Variants in TMEM164 observed in about 807,000 individuals in gnomAD.
The protein encoded by TMEM164 is RP13-360B22.2.
Under a neutral mutation model 18.8 loss-of-function variants are expected in TMEM164, and 4 were observed. That is an observed-to-expected ratio of 0.21 (90% CI 0.10 to 0.49). The LOEUF (loss-of-function observed/expected upper bound fraction) is 0.49. TMEM164 is among the 20% of genes least tolerant of loss of function. The probability of loss-of-function intolerance (pLI) is 0.98; values close to 1 mark genes in which losing one functional copy is unlikely to be tolerated. For missense variants in TMEM164, 108 were observed against 239.9 expected (o/e 0.45, Z 3.63); for synonymous variants, 86 against 101.7 (o/e 0.85, Z 0.93).
intron 3 of TMEM164, among the ~76,000 whole-genome samples, chrX:110,106,885 G>A (rs988352172): frequency 1.3e-4 from 15 of 111,917 alleles, no homozygotes; most frequent in Admixed American, 5.7e-4. Context: ...TCAGACACGG[G>A]GTGCCACCTT....
In TMEM164 at chrX:110,100,267, C is replaced by T. The variant is rs150479602; in HGVS notation, c.441-8813C>T. Among the ~76,000 whole-genome samples the T allele has an allele frequency of 8.6e-3, 948 of 110,696 alleles. 8 individuals are homozygous for T. The highest frequency in any genetic ancestry group is 0.028 in the African/African-American group (839 of 30,398). Reference sequence around the variant, plus strand: ...CTGTTTCTAATGTTGTCGGGGGGAGCATTTAGTCTTTCACCATTAAGTATT... The same window carrying T: ...CTGTTTCTAATGTTGTCGGGGGGAGTATTTAGTCTTTCACCATTAAGTATT... On this transcript the variant is annotated intron_variant, in intron 3 of 6. Transcript: ENST00000372068.
chrX:110,106,903 A>G (rs1329286703), intron 3 of TMEM164, among the ~76,000 whole-genome samples: 3 of 112,115 alleles, frequency 2.7e-5, no homozygotes, highest in African/African-American at 9.7e-5. Context: ...CTTGAATGAC[A>G]CTGCTGAAAA....
chrX:110,080,888 A>AT (rs367869176), intron 3 of TMEM164, among the ~76,000 whole-genome samples: 931 of 74,498 alleles, frequency 0.012, 28 homozygotes, highest in African/African-American at 0.029. Context: ...CTAGCTAATA[A>AT]TTTTTTTTTT....
intron 2 of TMEM164, among the ~76,000 whole-genome samples, chrX:110,063,134 T>C (rs1936187251): frequency 9.0e-6 from 1 of 111,095 alleles, no homozygotes; most frequent in South Asian, 3.8e-4. Flanking sequence ...AACTGGAGCT[T>C]GGGGAGATTG....
chrX:110,068,185 G>C (rs73540249), intron 3 of TMEM164, among the ~76,000 whole-genome samples: 205 of 112,646 alleles, frequency 1.8e-3, no homozygotes, highest in African/African-American at 6.3e-3. Flanking sequence ...AATTGAGAAT[G>C]GTGTAAATGG....
chrX:110,077,273 G>A (rs367674416), intron 3 of TMEM164, among the ~76,000 whole-genome samples: 2 of 110,841 alleles, frequency 1.8e-5, no homozygotes, highest in Non-Finnish European at 3.8e-5. Flanking sequence ...AAGAATTATC[G>A]ACCCCTGTTC....
rs150587807 is a variant in TMEM164 at position 110,103,474 on chromosome X, G to A, written c.441-5606G>A. On this transcript the variant is annotated intron_variant, in intron 3 of 6. Coordinates refer to ENST00000372068, the MANE Select transcript of TMEM164 (RefSeq NM_032227.4). ...CTGTAGGGCTGCACCCTAGTTGTCT[G>A]GTGTCTGGCCCTGGGGCAATTAAGG... 9.4e-3 allele frequency among the ~76,000 whole-genome samples: 1,051 copies of A among 111,609 alleles called. 10 individuals are homozygous for A. Among genetic ancestry groups the A allele is most frequent in the African/African-American group, 0.03 (935 of 30,689 alleles).
intron 2 of TMEM164, among the ~76,000 whole-genome samples, chrX:110,058,585 C>G (rs1017609709): frequency 1.0e-5 from 1 of 99,284 alleles, no homozygotes; most frequent in Non-Finnish European, 2.0e-5. Flanking sequence ...CTTTGGGTCC[C>G]CTCCCCTCCC....
chrX:110,097,962 A>G (rs1395980147), intron 3 of TMEM164, among the ~76,000 whole-genome samples: 1 of 111,931 alleles, frequency 8.9e-6, no homozygotes, highest in East Asian at 2.8e-4. Context: ...ATAAAGTTCT[A>G]TGAATCTTAA....
intron 2 of TMEM164, among the ~76,000 whole-genome samples, chrX:110,005,547 T>C (rs769813814): frequency 1.8e-5 from 2 of 111,833 alleles, no homozygotes; most frequent in African/African-American, 6.5e-5. Context: ...TTCTTGCAGA[T>C]ATGGTAAGAA....
chrX:110,140,243 A>C (rs2066750351), intron 4 of TMEM164, among the ~76,000 whole-genome samples: 1 of 111,197 alleles, frequency 9.0e-6, no homozygotes. Flanking sequence ...AAATCAGCAG[A>C]GTGGTTAGCA....
At chrX:110,138,603 T>C (rs1469300468) in intron 4 of TMEM164, among the ~76,000 whole-genome samples, 2 of 111,434 alleles carry the variant, frequency 1.8e-5, no homozygotes, top group South Asian at 3.8e-4. Context: ...GCCATTGAGG[T>C]AGAGAAAGAA....
intron 4 of TMEM164, among the ~76,000 whole-genome samples, chrX:110,130,655 C>G (rs1351504134): frequency 9.1e-6 from 1 of 109,372 alleles, no homozygotes. Flanking sequence ...AGTATTTCTC[C>G]AGGTAGGGGT....
chrX:110,155,097 CAGGAT>C (rs768487832), intron 5 of TMEM164, among the ~76,000 whole-genome samples: 1 of 111,662 alleles, frequency 9.0e-6, no homozygotes, highest in African/African-American at 3.3e-5. Context: ...CTCTAGAGGT[CAGGAT>C]TGTGCCTTGC....
At chrX:110,124,708 C>G (rs1166580088) in intron 4 of TMEM164, among the ~76,000 whole-genome samples, 3 of 111,415 alleles carry the variant, frequency 2.7e-5, no homozygotes, top group Non-Finnish European at 5.6e-5. Context: ...AAATTGAAAG[C>G]ATACACAAAA....
chrX:110,114,515 T>C (rs1210426593), intron 4 of TMEM164, among the ~76,000 whole-genome samples: 1 of 111,645 alleles, frequency 9.0e-6, no homozygotes, highest in Non-Finnish European at 1.9e-5. Flanking sequence ...GGAAGCTAAG[T>C]AGGGTGTCCA....
chrX:110,139,868 A>G (rs968099328), intron 4 of TMEM164, among the ~76,000 whole-genome samples: 36 of 110,107 alleles, frequency 3.3e-4, no homozygotes, highest in African/African-American at 7.0e-4. Context: ...GAGAGTAGGG[A>G]TATTAGAGGG....
chrX:110,058,803 T>A (rs1011049373), intron 2 of TMEM164, among the ~76,000 whole-genome samples: 6 of 105,280 alleles, frequency 5.7e-5, no homozygotes, highest in East Asian at 3.0e-4. Flanking sequence ...TTTTTTTTTT[T>A]AATTTTTAGT....
At chrX:110,052,376 T>TG (rs1231567263) in intron 2 of TMEM164, among the ~76,000 whole-genome samples, 3 of 112,623 alleles carry the variant, frequency 2.7e-5, no homozygotes, top group Admixed American at 9.4e-5. Context: ...CTCTGACCCC[T>TG]GATCCACTAG....
Sources: gnomAD v4.1 joint callset for allele counts (sites outside exome capture counted in the v4.1 genomes callset) on GRCh38, gnomAD v4.1.1 for gene constraint, MANE v1.5 for transcripts, NCBI Gene and HGNC (gene_info 2026-07-23, HGNC 2026-07-21) for gene names.